Variants in XPA observed in about 807,000 individuals in gnomAD.
The protein encoded by XPA is DNA repair protein complementing XP-A cells.
A neutral mutation model predicts 35.7 loss-of-function variants in XPA; 27 were observed. The observed-to-expected ratio is 0.76, with a 90% CI of 0.56 to 1.04. XPA has a LOEUF of 1.04. Among genes scored for constraint, XPA ranks in the 50% least tolerant of loss-of-function variants. The pLI, the probability that XPA is intolerant of heterozygous loss-of-function variation, is 0.00. For missense variants in XPA, 354 were observed against 342.7 expected, an observed-to-expected ratio of 1.03 and a Z score of -0.26; for synonymous variants, 133 against 118.4, an observed-to-expected ratio of 1.12 and a Z score of -0.80.
At chr9:97,682,271 C>G (rs752746922) in intron 5 of XPA, 3 of 518,530 alleles carry the variant, frequency 5.8e-6, no homozygotes, top group Non-Finnish European at 1.2e-5. Context: ...GAACCAGGTT[C>G]CAATTTCTTT....
In XPA at chr9:97,675,126, T is replaced by C. The variant is rs1209562123; in HGVS notation, c.*313A>G. ...CTTTTCCCTCTACCCCAATCTAGGG[T>C]TTGCCTTGGTATCTTGTCCTCAAAT... On this transcript the variant is annotated 3_prime_UTR_variant, in exon 6 of 6. Transcript: ENST00000375128. The C allele has an allele frequency of 5.4e-6, 3 of 555,382 alleles. No individual in the cohort carries two copies. The African/African-American group carries it at 5.5e-5, about 10-fold the overall frequency. 34.4% of individuals were successfully genotyped at this position (555,382 alleles called of 1,614,324 possible). A position where few individuals can be genotyped will look rare whatever the true frequency, so the allele number is the denominator to read the frequency against.
chr9:97,696,058 A>C (rs3176638), intron 1 of XPA, among the ~76,000 whole-genome samples: 17,994 of 152,194 alleles, frequency 0.12, 3,023 homozygotes, highest in African/African-American at 0.37. Flanking sequence ...GAAAGGAATA[A>C]AAGGTAACCA....
At chr9:97,682,681 G>T (rs1160990445) in intron 5 of XPA, among the ~76,000 whole-genome samples, 2 of 152,056 alleles carry the variant, frequency 1.3e-5, no homozygotes, top group Non-Finnish European at 2.9e-5. Context: ...GACCCAAGAG[G>T]TCTAACTCTA....
the XPA span, chr9:97,656,196 T>G: frequency 1.2e-6 from 1 of 869,296 alleles, no homozygotes; most frequent in Non-Finnish European, 1.8e-6. Context: ...TTACTCATCT[T>G]CCATCCCATT....
At chr9:97,669,078 T>A in the XPA span, 19 of 1,288,630 alleles carry the variant, frequency 1.5e-5, no homozygotes, top group African/African-American at 9.2e-5. Flanking sequence ...ACACATTCAT[T>A]TATAGAAGAG....
At position 97,675,433 on chromosome 9, in the gene XPA, A is replaced by G; in HGVS notation, c.*6T>C. On this transcript the variant is annotated 3_prime_UTR_variant, in exon 6 of 6. Transcript: ENST00000375128. ...ATTCTATAAAACAGGTCACTGAACT[A>G]AAAAATCACATTTTTTCATATGTCA... 1 of 1,612,872 alleles carries G rather than the reference A, an allele frequency of 6.2e-7. No homozygotes were observed. The highest frequency in any genetic ancestry group is 8.5e-7 in the Non-Finnish European group (1 of 1,179,620).
chr9:97,667,246 C>A, the XPA span, among the ~76,000 whole-genome samples: 1 of 152,090 alleles, frequency 6.6e-6, no homozygotes, highest in South Asian at 2.1e-4. Flanking sequence ...ACACTTTCCC[C>A]GTACTGTGAG....
chr9:97,658,729 G>C, the XPA span: 2 of 1,605,878 alleles, frequency 1.2e-6, no homozygotes, highest in East Asian at 2.2e-5. Context: ...TACAAGTATG[G>C]AGATGAAAGT....
chr9:97,682,383 C>T (rs1828574093), intron 5 of XPA: 1 of 518,978 alleles, frequency 1.9e-6, no homozygotes, highest in South Asian at 1.4e-5. Flanking sequence ...ACAGTGTCTA[C>T]TCCAGTCTCA....
At chr9:97,679,367 T>G (rs1828468627) in intron 5 of XPA, among the ~76,000 whole-genome samples, 2 of 151,398 alleles carry the variant, frequency 1.3e-5, no homozygotes, top group Non-Finnish European at 2.9e-5. Flanking sequence ...TGTATTATTA[T>G]CCTTGCAATT....
At chr9:97,668,072 C>T in the XPA span, among the ~76,000 whole-genome samples, 1 of 152,180 alleles carries the variant, frequency 6.6e-6, no homozygotes, top group African/African-American at 2.4e-5. Context: ...TAGATGGGGC[C>T]TTAGCAGTTA....
At chr9:97,662,111 A>C in the XPA span, 5 of 1,613,894 alleles carry the variant, frequency 3.1e-6, no homozygotes, top group South Asian at 1.1e-5. Context: ...TTGGCAGCCA[A>C]ATCATTCAGC....
intron 5 of XPA, among the ~76,000 whole-genome samples, chr9:97,677,752 C>CTCTTT (rs530688400): frequency 6.8e-6 from 1 of 147,862 alleles, no homozygotes; most frequent in African/African-American, 2.5e-5. Flanking sequence ...TTGGGTTTTT[C>CTCTTT]TTTTTTTTTT....
At chr9:97,684,065 G>A (rs1306816910) in intron 5 of XPA, among the ~76,000 whole-genome samples, 1 of 152,042 alleles carries the variant, frequency 6.6e-6, no homozygotes. Flanking sequence ...ACTCTTTTAG[G>A]GATTCTGTGA....
At chr9:97,670,181 C>A, downstream of XPA, 1 of 227,022 alleles carries the variant, frequency 4.4e-6, no homozygotes, top group South Asian at 7.0e-5. Flanking sequence ...TCCCAAAGTG[C>A]TGCTGGGATT....
downstream of XPA, chr9:97,673,058 G>T (rs1343585670): frequency 6.6e-6 from 1 of 152,512 alleles, no homozygotes; most frequent in African/African-American, 2.4e-5. Context: ...AACCTGGGAG[G>T]TGGAGGTTTC....
intron 5 of XPA, among the ~76,000 whole-genome samples, chr9:97,677,673 G>A (rs1025234776): frequency 6.6e-6 from 1 of 152,052 alleles, no homozygotes; most frequent in Non-Finnish European, 1.5e-5. Context: ...TCCAGCCTAG[G>A]TGACAGAGCA....
downstream of XPA, chr9:97,670,936 TTTCAGGGGTCCATTG>T (rs1828171162): frequency 2.0e-6 from 1 of 493,182 alleles, no homozygotes; most frequent in Non-Finnish European, 3.6e-6. Context: ...TGTTGGGGAT[TTTCAGGGGTCCATTG>T]TTCCTATCAG....
chr9:97,669,304 C>T, the XPA span, among the ~76,000 whole-genome samples: 1 of 151,918 alleles, frequency 6.6e-6, no homozygotes, highest in Admixed American at 6.6e-5. Context: ...GCATAGATTC[C>T]TGTTAAAATT....
Sources: allele counts gnomAD v4.1 joint callset (sites outside exome capture counted in the v4.1 genomes callset), GRCh38; gene constraint gnomAD v4.1.1; transcripts MANE v1.5; gene names NCBI Gene and HGNC (gene_info 2026-07-23, HGNC 2026-07-21).